Variants in CHST15 observed in about 807,000 individuals in gnomAD.
CHST15 encodes the protein B cell RAG associated protein (GALNAC4S-6ST).
CHST15 carries 30 observed loss-of-function variants against 53.6 expected under a neutral mutation model. The observed-to-expected ratio is 0.56, with a 90% CI of 0.42 to 0.76. The LOEUF (loss-of-function observed/expected upper bound fraction) is 0.76, where lower values mean the gene tolerates loss of function less well. CHST15 is among the 30% of genes least tolerant of loss of function. The pLI is 0.00. For missense variants in CHST15, 627 were observed against 740.5 expected, an observed-to-expected ratio of 0.85 and a Z score of 1.78; for synonymous variants, 296 against 289.8, an observed-to-expected ratio of 1.02 and a Z score of -0.22.
At chr10:124,022,584 C>T (rs903853427) in intron 5 of CHST15, among the ~76,000 whole-genome samples, 19 of 152,202 alleles carry the variant, frequency 1.2e-4, no homozygotes, top group African/African-American at 4.6e-4. Context: ...TTTGTTGACA[C>T]TGCTATGCTG....
intron 5 of CHST15, among the ~76,000 whole-genome samples, chr10:124,032,077 A>G (rs937582561): frequency 6.6e-6 from 1 of 152,202 alleles, no homozygotes; most frequent in Non-Finnish European, 1.5e-5. Flanking sequence ...CTATAACAGA[A>G]TCCATTTCAT....
intron 5 of CHST15, among the ~76,000 whole-genome samples, chr10:124,029,932 T>C (rs944801654): frequency 2.6e-5 from 4 of 152,224 alleles, no homozygotes; most frequent in Admixed American, 1.3e-4. Flanking sequence ...CATCTCACCT[T>C]AGGATCTCTG....
At position 124,007,739 on chromosome 10, in the gene CHST15, TTAA is replaced by T. The variant is rs1946309019; in HGVS notation, c.*2407_*2409del. On this transcript the variant is annotated 3_prime_UTR_variant, in exon 8 of 8. Coordinates refer to ENST00000435907, the MANE Select transcript of CHST15 (RefSeq NM_001270764.2). ...GGTCCATCTTTAATTATGTTAAATA[TTAA>T]TAAAAGTACAGCGTAACTGCGATTC... is the stretch of plus-strand genomic sequence containing the variant. 8.1e-7 allele frequency: 1 copy of T among 1,229,520 alleles called. No individual in the cohort carries two copies. The highest frequency in any genetic ancestry group is 1.6e-5 in the African/African-American group (1 of 64,398). The allele number at this position is 1,229,520 out of a possible 1,614,324, so 76.2% of individuals were successfully genotyped here.
intron 5 of CHST15, among the ~76,000 whole-genome samples, chr10:124,025,619 T>C (rs1946971393): frequency 6.6e-6 from 1 of 152,202 alleles, no homozygotes; most frequent in East Asian, 1.9e-4. Context: ...CACCAAAGAA[T>C]TATGTCCAAG....
intron 2 of CHST15, 54 bp downstream of exon 2, chr10:124,045,613 G>A (rs1323502076): frequency 1.6e-5 from 23 of 1,470,890 alleles, no homozygotes; most frequent in South Asian, 2.8e-5. Flanking sequence ...AGAAAGAAAA[G>A]CACTCATTTC....
intron 4 of CHST15, among the ~76,000 whole-genome samples, chr10:124,041,833 T>C (rs1947752914): frequency 6.6e-6 from 1 of 152,226 alleles, no homozygotes; most frequent in African/African-American, 2.4e-5. Flanking sequence ...TTATAGGCGA[T>C]GTGTCAGAGC....
chr10:124,014,673 G>T (rs1033010373), intron 6 of CHST15, among the ~76,000 whole-genome samples: 1 of 152,188 alleles, frequency 6.6e-6, no homozygotes, highest in African/African-American at 2.4e-5. Context: ...CCTCGTAGGG[G>T]AGACCAGTCT....
chr10:124,011,062 A>G (rs1946402298), intron 7 of CHST15: 1 of 981,858 alleles, frequency 1.0e-6, no homozygotes, highest in Non-Finnish European at 1.2e-6. Context: ...AGGCCCTGGA[A>G]AAGGCCGGGA....
At chr10:124,081,975 G>T (rs937305497) in intron 1 of CHST15, among the ~76,000 whole-genome samples, 1 of 152,108 alleles carries the variant, frequency 6.6e-6, no homozygotes, top group African/African-American at 2.4e-5. Flanking sequence ...ATAAGCAGCC[G>T]GGCCGCCCAT....
chr10:124,069,451 G>C (rs755658589), intron 1 of CHST15, among the ~76,000 whole-genome samples: 2 of 152,110 alleles, frequency 1.3e-5, no homozygotes, highest in Non-Finnish European at 2.9e-5. Flanking sequence ...AAGAATCATC[G>C]GGGCCAGGCT....
rs114697659 is a variant in CHST15 at position 124,031,866 on chromosome 10, T to G, written c.1190+6649A>C. ...TTTCTTGTCCCAGTTTACAGAGCAG[T>G]AAGTGACAGGGCTGGGGTTCCAATG... is the stretch of plus-strand genomic sequence containing the variant. On this transcript the variant is annotated intron_variant, in intron 5 of 7. Coordinates refer to ENST00000435907, the MANE Select transcript of CHST15 (RefSeq NM_001270764.2). Among the ~76,000 whole-genome samples, 1,169 of 152,272 alleles carry G rather than the reference T, an allele frequency of 7.7e-3. 16 individuals carry two copies. Among genetic ancestry groups the G allele is most frequent in the African/African-American group, 0.024 (979 of 41,556 alleles).
chr10:124,073,087 A>C (rs1948971458), intron 1 of CHST15, among the ~76,000 whole-genome samples: 1 of 152,240 alleles, frequency 6.6e-6, no homozygotes, highest in African/African-American at 2.4e-5. Context: ...TCACTCCCAA[A>C]GACCACAATT....
Position 124,010,201 on chromosome 10 carries a change from G to A in CHST15, c.1634C>T (p.Ala545Val), listed in dbSNP as rs776567714. 1.2e-6 allele frequency: 2 copies of A among 1,613,982 alleles called. No homozygotes were observed. Among genetic ancestry groups the A allele is most frequent in the Non-Finnish European group, 1.7e-6 (2 of 1,180,050 alleles). ...ATCCGCGAGGACCTGCGCCAGCCTA[G>A]CGTTGAAGGGCCTGTAGAAATCCCG... ...ILRDFYRPFN[A>V]RLAQVLADEA... is the part of the protein sequence containing the mutation. Residue 545 changes from alanine (A) to valine (V), a missense_variant, in exon 8 of 8, where the codon GCT becomes GTT. Ala to Val is a moderately conservative substitution (Grantham distance 64, BLOSUM62 0). Around this residue, in one of 3 missense-constraint regions of CHST15, gnomAD observed 279 missense variants for 371.6 expected, o/e 0.75. Coordinates refer to ENST00000435907, the MANE Select transcript of CHST15 (RefSeq NM_001270764.2).
chr10:124,044,493 G>GC (rs1184812035), intron 3 of CHST15, 87 bp downstream of exon 3: 6 of 1,124,520 alleles, frequency 5.3e-6, no homozygotes, highest in African/African-American at 4.8e-5. Flanking sequence ...TGCCGCCCTC[G>GC]CCCCCCAACC....
chr10:124,090,083 T>A (rs1949561458), intron 1 of CHST15, among the ~76,000 whole-genome samples: 1 of 152,112 alleles, frequency 6.6e-6, no homozygotes, highest in South Asian at 2.1e-4. Context: ...GGGCCCACAA[T>A]GGGTGTGGCT....
chr10:124,090,284 T>A (rs1330076579), intron 1 of CHST15, among the ~76,000 whole-genome samples: 2 of 152,218 alleles, frequency 1.3e-5, no homozygotes, highest in South Asian at 2.1e-4. Flanking sequence ...TGACACTGTT[T>A]TCCCCCCAAC....
chr10:124,044,756 C>T lies in CHST15; in HGVS notation c.710G>A (p.Trp237Ter). The T allele has an allele frequency of 6.2e-7, 1 of 1,612,890 alleles. No individual in the cohort carries two copies. Among genetic ancestry groups the T allele is most frequent in the Non-Finnish European group, 8.5e-7 (1 of 1,179,516 alleles). ...STFDALRKAF[W>*]GHLAHAHGKH... ...CCCGTGCGCGTGCGCCAGGTGGCCC[C>T]AGAAGGCCTTGCGCAGGGCGTCGAA... The change falls in exon 3 of 8, where the codon TGG (tryptophan) becomes TAG (stop). Residue 237 changes from tryptophan to a stop codon, truncating the protein, a stop_gained. Coordinates refer to ENST00000435907, the MANE Select transcript of CHST15 (RefSeq NM_001270764.2). LOFTEE classifies it high-confidence loss of function.
rs1946683599 is a variant in CHST15, at chr10:124,019,142, G to A, written c.1347+2114C>T. Among the ~76,000 whole-genome samples the A allele has an allele frequency of 6.6e-6, 1 of 151,492 alleles. No individual in the cohort carries two copies. The highest frequency in any genetic ancestry group is 1.5e-5 in the Non-Finnish European group (1 of 67,810). On this transcript the variant is annotated intron_variant, in intron 6 of 7. Transcript: ENST00000435907. This position sits in a 1 kb window ranked among gnomAD's most constrained non-coding sequence, Gnocchi z 4.6. Reference sequence around the variant, plus strand: ...GTGGCACGAAATGGGCCTGGCCTGAGTCACAGCTGCAACTTGATTCGTGTC... The same window carrying A: ...GTGGCACGAAATGGGCCTGGCCTGAATCACAGCTGCAACTTGATTCGTGTC...
chr10:124,041,955 C>T (rs986599121), intron 4 of CHST15, among the ~76,000 whole-genome samples: 1 of 152,156 alleles, frequency 6.6e-6, no homozygotes, highest in Non-Finnish European at 1.5e-5. Flanking sequence ...ACTTATAATT[C>T]CCCCATCCAA....
Sources: gnomAD v4.1 joint callset for allele counts (sites outside exome capture counted in the v4.1 genomes callset) on GRCh38, gnomAD v4.1.1 for gene constraint, gnomAD v4.1.1 regional missense constraint, Gnocchi (gnomAD v3.1) non-coding constraint, MANE v1.5 for transcripts, NCBI Gene and HGNC (gene_info 2026-07-23, HGNC 2026-07-21) for gene names.